The following NEK1 variants were observed in gnomAD, a reference collection of about 807,000 sequenced individuals.
The protein encoded by NEK1 is serine/threonine-protein kinase Nek1.
NEK1 carries 137 observed loss-of-function variants against 182.1 expected under a neutral mutation model. The observed-to-expected ratio is 0.75, with a 90% CI of 0.65 to 0.87. NEK1 has a LOEUF of 0.87. Ranked by LOEUF, NEK1 falls within the 40% of genes least tolerant of loss-of-function variation. The pLI is 0.00. For missense variants in NEK1, 1,391 were observed against 1,494.4 expected (o/e 0.93, Z 1.14); for synonymous variants, 513 against 492.2 (o/e 1.04, Z -0.56).
chr4:169,585,632 C>G, intron 9 of NEK1, 83 bp from the exon 10 acceptor site: 1 of 868,866 alleles, frequency 1.2e-6, no homozygotes, highest in Non-Finnish European at 1.8e-6. Flanking sequence ...TAGTTCTTTT[C>G]CTACCAATAT....
intron 23 of NEK1, among the ~76,000 whole-genome samples, chr4:169,482,104 T>C (rs1748144318): frequency 6.6e-6 from 1 of 152,226 alleles, no homozygotes; most frequent in African/African-American, 2.4e-5. Context: ...TGAACCAATC[T>C]CTGCTAGCCA....
rs909668642 is a variant in NEK1, at chr4:169,477,143, T to C, written c.2415A>G (p.Thr805=). Reference sequence around the variant, plus strand: ...ACATACTTTCAGTTGTAGAGAAGGATGTATCTAGTGTTAACTCATCCAGAG... The same window carrying C: ...ACATACTTTCAGTTGTAGAGAAGGACGTATCTAGTGTTAACTCATCCAGAG... ...VIPLDELTLD[T]SFSTTERHTV... Residue 805 remains threonine, a synonymous_variant, in exon 26 of 36, where the codon ACA becomes ACG. Coordinates refer to ENST00000507142, the MANE Select transcript of NEK1 (RefSeq NM_001199397.3). The C allele has an allele frequency of 1.2e-6, 2 of 1,601,682 alleles. No homozygotes were observed. Among genetic ancestry groups the C allele is most frequent in the Non-Finnish European group, 1.7e-6 (2 of 1,173,120 alleles).
intron 18 of NEK1, among the ~76,000 whole-genome samples, chr4:169,538,889 C>T (rs1248551805): frequency 6.6e-6 from 1 of 152,080 alleles, no homozygotes; most frequent in Non-Finnish European, 1.5e-5. Context: ...GCTTCTTTTA[C>T]ATTCTTTGGC....
Position 169,577,937 on chromosome 4 carries a change from T to C in NEK1, c.869-858A>G, listed in dbSNP as rs187945165. On this transcript the variant is annotated intron_variant, in intron 11 of 35. Transcript: ENST00000507142. ...CTACAGACCTGACAAAAAAGAAATATCTTAAAACAATCATTATCATTAAGG... is the reference window on the plus strand; with the variant it reads ...CTACAGACCTGACAAAAAAGAAATACCTTAAAACAATCATTATCATTAAGG... Among the ~76,000 whole-genome samples, 487 of 152,126 alleles carry C rather than the reference T, an allele frequency of 3.2e-3. 5 individuals carry two copies. Among genetic ancestry groups the C allele is most frequent in the African/African-American group, 0.011 (470 of 41,528 alleles).
At chr4:169,538,082 C>A (rs1758795882) in intron 18 of NEK1, among the ~76,000 whole-genome samples, 171 bp from the exon 19 acceptor site, 2 of 151,998 alleles carry the variant, frequency 1.3e-5, no homozygotes, top group South Asian at 2.1e-4. Context: ...CTACCTAAAT[C>A]ACATTCTTTA....
intron 16 of NEK1, among the ~76,000 whole-genome samples, chr4:169,559,846 C>T (rs540322231): frequency 1.6e-4 from 24 of 152,162 alleles, no homozygotes; most frequent in East Asian, 1.5e-3. Context: ...CCCGTCTCTA[C>T]TAAAAATACA....
chr4:169,516,352 TTG>T (rs1486604808), intron 19 of NEK1, among the ~76,000 whole-genome samples: 1 of 130,614 alleles, frequency 7.7e-6, no homozygotes, highest in East Asian at 2.3e-4. Context: ...ATGGGGTTGT[TTG>T]TTTTTTTCTT....
At chr4:169,521,174 G>A (rs1303020354) in intron 19 of NEK1, among the ~76,000 whole-genome samples, 12 of 41,418 alleles carry the variant, frequency 2.9e-4, no homozygotes, top group African/African-American at 2.8e-4. Flanking sequence ...GTGGGCGTAG[G>A]ACCCTCTGAG....
chr4:169,526,509 A>G (rs1756930728), intron 19 of NEK1, among the ~76,000 whole-genome samples: 1 of 152,160 alleles, frequency 6.6e-6, no homozygotes, highest in Admixed American at 6.6e-5. Flanking sequence ...ACAAAAATAA[A>G]AGTAAACAAA....
intron 18 of NEK1, among the ~76,000 whole-genome samples, chr4:169,540,232 A>T (rs997486014): frequency 2.0e-5 from 3 of 152,284 alleles, no homozygotes; most frequent in East Asian, 1.9e-4. Flanking sequence ...TTGCCACATT[A>T]TATCTGCCAA....
chr4:169,502,220 T>C (rs1439447838), intron 23 of NEK1, among the ~76,000 whole-genome samples: 1 of 145,576 alleles, frequency 6.9e-6, no homozygotes, highest in Non-Finnish European at 1.5e-5. Flanking sequence ...AGACCAATAA[T>C]GAGTACAAAA....
intron 23 of NEK1, among the ~76,000 whole-genome samples, chr4:169,492,238 T>A (rs908470151): frequency 2.0e-5 from 3 of 152,222 alleles, no homozygotes; most frequent in Non-Finnish European, 4.4e-5. Context: ...AGATTGTGAC[T>A]ACGGACATCT....
chr4:169,549,920 A>G (rs1327218492), intron 18 of NEK1, among the ~76,000 whole-genome samples: 1 of 151,958 alleles, frequency 6.6e-6, no homozygotes, highest in Admixed American at 6.6e-5. Flanking sequence ...ATGGGGTTTC[A>G]CCATGTTGGC....
At position 169,394,332 on chromosome 4, in the gene NEK1, A is replaced by T; in HGVS notation, c.*178T>A. The T allele has an allele frequency of 2.0e-6, 1 of 503,598 alleles. No homozygotes were observed. The highest frequency in any genetic ancestry group is 3.6e-6 in the Non-Finnish European group (1 of 280,368). 31.2% of individuals were successfully genotyped at this position (503,598 alleles called of 1,614,324 possible). A position where few individuals can be genotyped will look rare whatever the true frequency, so the allele number is the denominator to read the frequency against. On this transcript the variant is annotated 3_prime_UTR_variant, in exon 36 of 36. Coordinates refer to ENST00000507142, the MANE Select transcript of NEK1 (RefSeq NM_001199397.3). Reference sequence around the variant, plus strand: ...ATTCAATGAACAAAATAGATAAAATATTAGAATCTTCACTGAAAAATGGCA... The same window carrying T: ...ATTCAATGAACAAAATAGATAAAATTTTAGAATCTTCACTGAAAAATGGCA...
At chr4:169,562,324 C>A in intron 12 of NEK1, 128 bp from the exon 13 acceptor site, 1 of 553,352 alleles carries the variant, frequency 1.8e-6, no homozygotes. Context: ...TTCCAAATTA[C>A]ATTATCTTAA....
At chr4:169,515,583 T>C (rs1395133379) in intron 19 of NEK1, among the ~76,000 whole-genome samples, 4 of 140,898 alleles carry the variant, frequency 2.8e-5, no homozygotes, top group Admixed American at 7.1e-5. Context: ...ACATGTGCCA[T>C]GCTGGTGCGC....
At chr4:169,445,842 C>CTATATATATATATATATATATATATA (rs1206499120) in intron 27 of NEK1, among the ~76,000 whole-genome samples, 3 of 108,536 alleles carry the variant, frequency 2.8e-5, no homozygotes, top group African/African-American at 1.4e-4. Flanking sequence ...AACAAAACAA[C>CTATATATATATATATATATATATATA]TATATACATA....
chr4:169,459,589 A>T (rs943049128), intron 27 of NEK1, among the ~76,000 whole-genome samples: 1 of 152,246 alleles, frequency 6.6e-6, no homozygotes, highest in Non-Finnish European at 1.5e-5. Context: ...TGTTTATATC[A>T]TCTTTATTCA....
chr4:169,417,034 A>G (rs771888860), intron 31 of NEK1, among the ~76,000 whole-genome samples: 5 of 152,212 alleles, frequency 3.3e-5, no homozygotes, highest in Non-Finnish European at 5.9e-5. Flanking sequence ...ATGTCCTATA[A>G]CTGTAATTTT....
Sources: gnomAD v4.1 joint callset for allele counts (sites outside exome capture counted in the v4.1 genomes callset) on GRCh38, gnomAD v4.1.1 for gene constraint, MANE v1.5 for transcripts, NCBI Gene and HGNC (gene_info 2026-07-23, HGNC 2026-07-21) for gene names.